Variants in CHST3 observed in about 807,000 individuals in gnomAD.
CHST3 encodes the protein carbohydrate sulfotransferase 3.
A neutral mutation model predicts 35.4 loss-of-function variants in CHST3; 20 were observed. The ratio of observed to expected loss-of-function variants is 0.57; its 90% confidence interval spans 0.40 to 0.82. The LOEUF is 0.82. Ranked by LOEUF, CHST3 falls within the 40% of genes least tolerant of loss-of-function variation. The pLI, the probability that CHST3 is intolerant of heterozygous loss-of-function variation, is 0.00. For missense variants in CHST3, 693 were observed against 670.1 expected, an observed-to-expected ratio of 1.03 and a Z score of -0.38; for synonymous variants, 334 against 295.9, an observed-to-expected ratio of 1.13 and a Z score of -1.32.
At chr10:71,968,396 G>T (rs1206526130) in intron 1 of CHST3, among the ~76,000 whole-genome samples, 1 of 152,018 alleles carries the variant, frequency 6.6e-6, no homozygotes, top group African/African-American at 2.4e-5. Flanking sequence ...GACTTTTGTC[G>T]GATGCATAGT....
intron 1 of CHST3, among the ~76,000 whole-genome samples, chr10:71,977,057 C>T (rs915831066): frequency 2.0e-5 from 3 of 152,108 alleles, no homozygotes; most frequent in African/African-American, 7.2e-5. Flanking sequence ...TTAGGTTGAC[C>T]GAGGCACAAC....
intron 1 of CHST3, among the ~76,000 whole-genome samples, chr10:71,965,860 G>A (rs1452179875): frequency 6.6e-6 from 1 of 152,182 alleles, no homozygotes; most frequent in African/African-American, 2.4e-5. Flanking sequence ...CAGTGGCCCA[G>A]GCACTGTGTG....
intron 1 of CHST3, among the ~76,000 whole-genome samples, chr10:71,985,677 T>C (rs1453175752): frequency 6.6e-6 from 1 of 152,190 alleles, no homozygotes; most frequent in Admixed American, 6.5e-5. Flanking sequence ...TTTTTTCCTT[T>C]TCATTACACA....
At chr10:71,988,480 T>C (rs1486652493) in intron 1 of CHST3, among the ~76,000 whole-genome samples, 2 of 152,166 alleles carry the variant, frequency 1.3e-5, no homozygotes, top group African/African-American at 4.8e-5. Context: ...GATCAGGTCA[T>C]TTAAAAGTGT....
intron 1 of CHST3, among the ~76,000 whole-genome samples, chr10:71,999,830 G>A (rs937777132): frequency 5.3e-5 from 8 of 152,226 alleles, no homozygotes; most frequent in Admixed American, 5.2e-4. Context: ...GAGGGAAGCC[G>A]AAGCCTCACT....
rs1466880068 is a variant in CHST3, at chr10:72,008,033, G to A, written c.1002G>A (p.Arg334=). 6.5e-7 allele frequency: 1 copy of A among 1,549,510 alleles called. No individual in the cohort carries two copies. The highest frequency in any genetic ancestry group is 2.0e-5 in the Admixed American group (1 of 50,984). ...ACGACGAGGGCCAGGACGGCCTGAG[G>A]GAAGAGGAGGTGCAGCGGCTGCGGG... ...WLDDEGQDGL[R]EEEVQRLRGN... is the part of the protein sequence containing the mutation. Residue 334 remains arginine, a synonymous_variant, in exon 3 of 3, where the codon AGG becomes AGA. Transcript: ENST00000373115.
Position 72,012,464 on chromosome 10 carries a change from C to T in CHST3, c.*3993C>T, listed in dbSNP as rs1173301863. ...AAGAGTTGGAGACCAGCCTGGGCAA[C>T]ATGGTGAGACCAATTGACTGTAGGG... On this transcript the variant is annotated 3_prime_UTR_variant, in exon 3 of 3. Coordinates refer to ENST00000373115, the MANE Select transcript of CHST3 (RefSeq NM_004273.5). 6.6e-6 allele frequency: 1 copy of T among 152,472 alleles called. No individual in the cohort carries two copies. Among genetic ancestry groups the T allele is most frequent in the Non-Finnish European group, 1.5e-5 (1 of 68,276 alleles). The allele number at this position is 152,472 out of a possible 1,614,324, so 9.4% of individuals were successfully genotyped here. A position where few individuals can be genotyped will look rare whatever the true frequency, so the allele number is the denominator to read the frequency against.
chr10:71,992,658 C>CTTTTTT (rs57408244), intron 1 of CHST3, among the ~76,000 whole-genome samples: 1 of 111,418 alleles, frequency 9.0e-6, no homozygotes, highest in Non-Finnish European at 1.9e-5. Flanking sequence ...ATGGAATATT[C>CTTTTTT]TTTTTTTTTT....
At chr10:71,979,708 G>A (rs1839782890) in intron 1 of CHST3, among the ~76,000 whole-genome samples, 1 of 152,138 alleles carries the variant, frequency 6.6e-6, no homozygotes, top group Admixed American at 6.5e-5. Context: ...CTCTATCTAA[G>A]GTAGTCAGAA....
intron 2 of CHST3, among the ~76,000 whole-genome samples, chr10:72,006,751 C>T (rs946668012): frequency 2.0e-5 from 3 of 152,132 alleles, no homozygotes; most frequent in African/African-American, 7.2e-5. Flanking sequence ...ACCGTCAATC[C>T]CCCCCCTTGG....
chr10:72,002,318 G>A (rs759767457), intron 1 of CHST3, among the ~76,000 whole-genome samples: 1 of 152,222 alleles, frequency 6.6e-6, no homozygotes, highest in Non-Finnish European at 1.5e-5. Context: ...CCCTGGAAGG[G>A]AGGGAAGGAG....
chr10:72,007,740 T>A lies in CHST3; in HGVS notation c.709T>A (p.Phe237Ile). The change falls in exon 3 of 3, where the codon TTC (phenylalanine) becomes ATC (isoleucine). Residue 237 changes from phenylalanine to isoleucine, a missense_variant. Phe to Ile is a conservative substitution (Grantham distance 21). Coordinates refer to ENST00000373115, the MANE Select transcript of CHST3 (RefSeq NM_004273.5). ...GTGCGAGGACCCCGTCTGTACGCCC[T>A]TCGTCAAGAAGGTCTTCGAGAAGTA... Reference protein sequence around the residue: ...SLCEDPVCTPFVKKVFEKYHC... With the variant: ...SLCEDPVCTPIVKKVFEKYHC... 3.1e-6 allele frequency: 5 copies of A among 1,603,200 alleles called. No individual in the cohort carries two copies. The highest frequency in any genetic ancestry group is 1.1e-5 in the South Asian group (1 of 91,014).
rs111678569 is a variant in CHST3, at chr10:71,979,364, G to A, written c.-108+14670G>A. On this transcript the variant is annotated intron_variant, in intron 1 of 2. Coordinates refer to ENST00000373115, the MANE Select transcript of CHST3 (RefSeq NM_004273.5). ...AAGGGCTTTCTTTTTTGTTTTTTTA[G>A]ACGGAGTCTCGGGAGGGGGGTTAGA... Among the ~76,000 whole-genome samples, 51 of 152,104 alleles carry A rather than the reference G, an allele frequency of 3.4e-4. 1 individual carries two copies. The highest frequency in any genetic ancestry group is 1.2e-3 in the African/African-American group (48 of 41,498).
chr10:71,999,935 C>T (rs1839976223), intron 1 of CHST3, among the ~76,000 whole-genome samples: 1 of 152,324 alleles, frequency 6.6e-6, no homozygotes, highest in Non-Finnish European at 1.5e-5. Context: ...TGTTTTCTGC[C>T]CTCCCCCTTG....
intron 1 of CHST3, among the ~76,000 whole-genome samples, chr10:71,979,919 A>G (rs1839784616): frequency 6.6e-6 from 1 of 152,194 alleles, no homozygotes; most frequent in Non-Finnish European, 1.5e-5. Context: ...AGGGCCAGAA[A>G]GTTTTATAAG....
chr10:71,990,427 G>A (rs575837994), intron 1 of CHST3, among the ~76,000 whole-genome samples: 3 of 152,048 alleles, frequency 2.0e-5, no homozygotes, highest in African/African-American at 4.8e-5. Context: ...GCAATGGTGT[G>A]ATCTTGGCTC....
Position 72,010,968 on chromosome 10 carries a change from C to T in CHST3, c.*2497C>T, listed in dbSNP as rs1437168394. The T allele has an allele frequency of 1.3e-5, 2 of 152,222 alleles. No individual in the cohort carries two copies. Among genetic ancestry groups the T allele is most frequent in the Non-Finnish European group, 2.9e-5 (2 of 68,058 alleles). 9.4% of individuals were successfully genotyped at this position (152,222 alleles called of 1,614,324 possible). A position where few individuals can be genotyped will look rare whatever the true frequency, so the allele number is the denominator to read the frequency against. ...TCTGAGGATGGTACCAAGAATGGGCCTTTGGGACTTCTCAGGACATTGACA... is the reference window on the plus strand; with the variant it reads ...TCTGAGGATGGTACCAAGAATGGGCTTTTGGGACTTCTCAGGACATTGACA... On this transcript the variant is annotated 3_prime_UTR_variant, in exon 3 of 3. Coordinates refer to ENST00000373115, the MANE Select transcript of CHST3 (RefSeq NM_004273.5).
chr10:71,969,844 T>G (rs1473274287), intron 1 of CHST3, among the ~76,000 whole-genome samples: 3 of 152,188 alleles, frequency 2.0e-5, no homozygotes, highest in Non-Finnish European at 4.4e-5. Flanking sequence ...TGGGAACTCC[T>G]AGAGTGGCGG....
At position 72,012,141 on chromosome 10, in the gene CHST3, T is replaced by C. The variant is rs978533403; in HGVS notation, c.*3670T>C. 2 of 152,192 alleles carry C rather than the reference T, an allele frequency of 1.3e-5. No individual in the cohort carries two copies. The highest frequency in any genetic ancestry group is 4.8e-5 in the African/African-American group (2 of 41,436). The allele number at this position is 152,192 out of a possible 1,614,324, so 9.4% of individuals were successfully genotyped here. ...GAGCTACTGCCAGAGGCTGGCGTAG[T>C]GGGGCAGCTGCTGACCAAACCCCAC... is the stretch of plus-strand genomic sequence containing the variant. On this transcript the variant is annotated 3_prime_UTR_variant, in exon 3 of 3. Transcript: ENST00000373115.
Sources: gnomAD v4.1 joint callset for allele counts (sites outside exome capture counted in the v4.1 genomes callset) on GRCh38, gnomAD v4.1.1 for gene constraint, MANE v1.5 for transcripts, NCBI Gene and HGNC (gene_info 2026-07-23, HGNC 2026-07-21) for gene names.